SLC24A2: variants seen among roughly 807,000 people sequenced by gnomAD.
SLC24A2 encodes sodium/potassium/calcium exchanger 2.
In SLC24A2, 36 loss-of-function variants were observed where a neutral mutation model predicts 62.0. That is an observed-to-expected ratio of 0.58 (90% CI 0.44 to 0.77). The LOEUF is 0.77. Ranked by LOEUF, SLC24A2 falls within the 30% of genes least tolerant of loss-of-function variation. SLC24A2 has a pLI of 0.00. For missense variants in SLC24A2, 846 were observed against 817.9 expected (o/e 1.03, Z -0.42); for synonymous variants, 358 against 294.0 (o/e 1.22, Z -2.23).
At chr9:20,120,473 T>C in the SLC24A2 span, among the ~76,000 whole-genome samples, 9 of 152,162 alleles carry the variant, frequency 5.9e-5, no homozygotes, top group East Asian at 1.7e-3. Context: ...AAATACCACT[T>C]GTTCTCATAA....
chr9:19,932,744 T>A, the SLC24A2 span, among the ~76,000 whole-genome samples: 1 of 152,126 alleles, frequency 6.6e-6, no homozygotes, highest in Non-Finnish European at 1.5e-5. Flanking sequence ...TACAATACCC[T>A]CTCTTTGAAA....
intron 7 of SLC24A2, among the ~76,000 whole-genome samples, chr9:19,561,992 T>C (rs909795776): frequency 1.3e-5 from 2 of 152,174 alleles, no homozygotes; most frequent in African/African-American, 4.8e-5. Context: ...GACCTAACTT[T>C]TCCGAGAGGC....
intron 2 of SLC24A2, among the ~76,000 whole-genome samples, chr9:19,726,226 T>C (rs1243348827): frequency 6.6e-6 from 1 of 152,176 alleles, no homozygotes; most frequent in Non-Finnish European, 1.5e-5. Flanking sequence ...AGGATTATAC[T>C]TTCTCTCAAT....
rs1832780552 is a variant in SLC24A2, at chr9:19,513,153, G to GATATATATATATATATATATACAT, written c.*2999_*3000insATGTATATATATATATATATATAT. 1 of 80,594 alleles carries GATATATATATATATATATATACAT rather than the reference G, an allele frequency of 1.2e-5. No homozygotes were observed. The highest frequency in any genetic ancestry group is 4.7e-5 in the African/African-American group (1 of 21,204). The allele number at this position is 80,594 out of a possible 1,614,324, so 5.0% of individuals were successfully genotyped here. ...TGTGTACATATAGATCTGGTATAAA[G>GATATATATATATATATATATACAT]ATATATATATATATATATATATGTA... On this transcript the variant is annotated 3_prime_UTR_variant, in exon 11 of 11. Transcript: ENST00000341998.
chr9:20,109,289 A>G, the SLC24A2 span, among the ~76,000 whole-genome samples: 1 of 152,190 alleles, frequency 6.6e-6, no homozygotes, highest in Non-Finnish European at 1.5e-5. Context: ...GATTATGCAG[A>G]AAAAAATTAA....
chr9:20,244,228 G>A, the SLC24A2 span, among the ~76,000 whole-genome samples: 6 of 152,122 alleles, frequency 3.9e-5, no homozygotes, highest in East Asian at 1.9e-4. Flanking sequence ...CGGTTAAAAC[G>A]TGTGCCTTTA....
chr9:19,561,138 C>T (rs958941188), intron 7 of SLC24A2, among the ~76,000 whole-genome samples: 1 of 151,732 alleles, frequency 6.6e-6, no homozygotes, highest in African/African-American at 2.4e-5. Flanking sequence ...CCATGTTGGC[C>T]AGGCTGGTCT....
the SLC24A2 span, among the ~76,000 whole-genome samples, chr9:20,181,895 G>A: frequency 1.3e-5 from 2 of 152,276 alleles, no homozygotes; most frequent in East Asian, 3.9e-4. Flanking sequence ...ATCTGACAAA[G>A]GGCTAATATC....
At chr9:20,140,859 G>T in the SLC24A2 span, among the ~76,000 whole-genome samples, 8 of 152,278 alleles carry the variant, frequency 5.3e-5, no homozygotes, top group East Asian at 1.5e-3. Flanking sequence ...AGAAACGAAA[G>T]TCCTGCCTTT....
chr9:19,714,495 C>CA (rs1820802390), intron 2 of SLC24A2, among the ~76,000 whole-genome samples: 1 of 152,222 alleles, frequency 6.6e-6, no homozygotes, highest in South Asian at 2.1e-4. Flanking sequence ...AGAGTCTCGT[C>CA]AACTTTTCAG....
the SLC24A2 span, among the ~76,000 whole-genome samples, chr9:19,857,001 G>A: frequency 6.6e-6 from 1 of 152,194 alleles, no homozygotes; most frequent in South Asian, 2.1e-4. Flanking sequence ...GAGTAAAATT[G>A]CTGGGTTGTA....
the SLC24A2 span, among the ~76,000 whole-genome samples, chr9:19,963,933 G>A: frequency 1.4e-4 from 21 of 152,062 alleles, 1 homozygote; most frequent in African/African-American, 2.4e-4. Context: ...TGTTTATAGC[G>A]GCACTATTCA....
the SLC24A2 span, among the ~76,000 whole-genome samples, chr9:20,002,449 C>T: frequency 6.7e-6 from 1 of 150,066 alleles, no homozygotes; most frequent in Non-Finnish European, 1.5e-5. Flanking sequence ...AAAATCTACT[C>T]AGGGTATAAT....
chr9:19,517,674 T>C (rs1466006798), intron 10 of SLC24A2, among the ~76,000 whole-genome samples: 3 of 152,078 alleles, frequency 2.0e-5, no homozygotes, highest in Admixed American at 1.3e-4. Flanking sequence ...GGTGCTTCTT[T>C]CTGTGAACTT....
At chr9:19,823,973 A>C in the SLC24A2 span, among the ~76,000 whole-genome samples, 2 of 152,224 alleles carry the variant, frequency 1.3e-5, no homozygotes, top group African/African-American at 2.4e-5. Flanking sequence ...AGCCATATGC[A>C]GAAAACGGAA....
chr9:20,123,265 T>C, the SLC24A2 span, among the ~76,000 whole-genome samples: 1 of 152,142 alleles, frequency 6.6e-6, no homozygotes, highest in African/African-American at 2.4e-5. Flanking sequence ...GGCTTTACCT[T>C]CATGATATAA....
At chr9:20,246,693 G>T in the SLC24A2 span, among the ~76,000 whole-genome samples, 1 of 152,326 alleles carries the variant, frequency 6.6e-6, no homozygotes, top group Middle Eastern at 3.4e-3. Context: ...AAGGAAGGGA[G>T]AAGCCCCTGA....
the SLC24A2 span, among the ~76,000 whole-genome samples, chr9:20,216,416 G>A: frequency 6.6e-6 from 1 of 152,144 alleles, no homozygotes; most frequent in Non-Finnish European, 1.5e-5. Flanking sequence ...TAGGAAATAG[G>A]CATATTTAAG....
chr9:19,711,678 T>C (rs1055757798), intron 2 of SLC24A2, among the ~76,000 whole-genome samples: 3 of 152,230 alleles, frequency 2.0e-5, no homozygotes, highest in African/African-American at 7.2e-5. Context: ...TAAGTAGAAA[T>C]ATGAAATCCA....
Sources: gnomAD v4.1 joint callset for allele counts (sites outside exome capture counted in the v4.1 genomes callset) on GRCh38, gnomAD v4.1.1 for gene constraint, MANE v1.5 for transcripts, NCBI Gene and HGNC (gene_info 2026-07-23, HGNC 2026-07-21) for gene names.